The following LIPA variants were observed in gnomAD, a reference collection of about 807,000 sequenced individuals.
LIPA encodes the protein lipase A, lysosomal acid type.
Under a neutral mutation model 40.6 loss-of-function variants are expected in LIPA, and 26 were observed. That is an observed-to-expected ratio of 0.64 (90% CI 0.47 to 0.89). The LOEUF (loss-of-function observed/expected upper bound fraction) is 0.89, where lower values mean the gene tolerates loss of function less well. Ranked by LOEUF, LIPA falls within the 40% of genes least tolerant of loss-of-function variation. The probability of loss-of-function intolerance (pLI) is 0.00; values close to 1 mark genes in which losing one functional copy is unlikely to be tolerated. For missense variants in LIPA, 455 were observed against 479.6 expected (o/e 0.95, Z 0.48); for synonymous variants, 188 against 168.4 (o/e 1.12, Z -0.90).
intron 1 of LIPA, among the ~76,000 whole-genome samples, chr10:89,264,250 C>T (rs1843224246): frequency 6.6e-6 from 1 of 152,178 alleles, no homozygotes; most frequent in Non-Finnish European, 1.5e-5. Context: ...GTCCCACATC[C>T]AGGAAGAATG....
At chr10:89,320,293 T>C (rs1843564384) in intron 1 of LIPA, among the ~76,000 whole-genome samples, 1 of 152,216 alleles carries the variant, frequency 6.6e-6, no homozygotes, top group Admixed American at 6.5e-5. Flanking sequence ...TGTGTGCAGA[T>C]GACATGATTG....
chr10:89,285,485 T>C (rs903518560), intron 1 of LIPA, among the ~76,000 whole-genome samples: 4 of 152,252 alleles, frequency 2.6e-5, no homozygotes, highest in Admixed American at 1.3e-4. Flanking sequence ...GTTTAATCAC[T>C]GCAGAGATGC....
chr10:89,299,306 GA>G (rs570722299), intron 1 of LIPA, among the ~76,000 whole-genome samples: 39 of 149,498 alleles, frequency 2.6e-4, no homozygotes, highest in Non-Finnish European at 3.3e-4. Flanking sequence ...CGAAAATAAA[GA>G]AAAAAAAAGA....
chr10:89,306,249 G>A lies in LIPA; in HGVS notation c.-2+36362C>T, dbSNP rs754711613. 1.4e-5 allele frequency: 23 copies of A among 1,614,010 alleles called. No individual in the cohort carries two copies. The Admixed American group carries it at 1.5e-4, about 11-fold the overall frequency. ...GAAATCAGAAGTCTGGTCACCTGGG[G>A]AAACTATGCCTGGGTCTACTATCAC... On this transcript the variant is annotated intron_variant, in intron 1 of 5. Transcript: ENST00000282673.
At chr10:89,334,214 T>C (rs947507075) in intron 1 of LIPA, among the ~76,000 whole-genome samples, 1 of 152,116 alleles carries the variant, frequency 6.6e-6, no homozygotes, top group Admixed American at 6.5e-5. Flanking sequence ...GCAAGACAGG[T>C]GGTCATGATC....
intron 2 of LIPA, chr10:89,383,849 C>A: frequency 6.2e-7 from 1 of 1,614,226 alleles, no homozygotes; most frequent in Non-Finnish European, 8.5e-7. Context: ...GAATTCAATA[C>A]TGGGTACGCA....
chr10:89,355,384 T>C (rs1253186400), intron 2 of LIPA, among the ~76,000 whole-genome samples: 1 of 152,276 alleles, frequency 6.6e-6, no homozygotes, highest in Non-Finnish European at 1.5e-5. Flanking sequence ...TCTCATTCCC[T>C]GTCATAATTT....
intron 2 of LIPA, chr10:89,402,622 CT>C: frequency 6.2e-7 from 1 of 1,614,244 alleles, no homozygotes; most frequent in Non-Finnish European, 8.5e-7. Context: ...GAAGCCCAGA[CT>C]TACCTGGACA....
intron 1 of LIPA, among the ~76,000 whole-genome samples, chr10:89,282,143 C>T (rs1843319285): frequency 6.6e-6 from 1 of 152,124 alleles, no homozygotes; most frequent in Admixed American, 6.5e-5. Context: ...GAACTTGATT[C>T]CAGGATATGG....
At position 89,332,701 on chromosome 10, in the gene LIPA, GT is replaced by G; in HGVS notation, c.-2+9909del. On this transcript the variant is annotated intron_variant, in intron 1 of 5. Transcript: ENST00000282673. ...ACTTCCTGACTTATGCTATTTCAGTGTTTGCTTAGAGATGAAATATGCATTT... is the reference window on the plus strand; with the variant it reads ...ACTTCCTGACTTATGCTATTTCAGTGTTGCTTAGAGATGAAATATGCATTT... 2.1e-6 allele frequency: 3 copies of G among 1,448,852 alleles called. No individual in the cohort carries two copies. The East Asian group carries it at 6.8e-5, about 33-fold the overall frequency. The allele number at this position is 1,448,852 out of a possible 1,614,324, so 89.7% of individuals were successfully genotyped here.
chr10:89,277,537 G>A (rs1446570821), intron 1 of LIPA, among the ~76,000 whole-genome samples: 1 of 152,172 alleles, frequency 6.6e-6, no homozygotes, highest in Admixed American at 6.5e-5. Context: ...TATATTGACT[G>A]AGTGAATTAA....
At chr10:89,295,590 T>C (rs1294550688) in intron 1 of LIPA, among the ~76,000 whole-genome samples, 1 of 152,210 alleles carries the variant, frequency 6.6e-6, no homozygotes, top group Non-Finnish European at 1.5e-5. Flanking sequence ...ATGCTGATAT[T>C]GCTGGTGGCA....
chr10:89,340,161 G>T (rs768664042), intron 1 of LIPA: 1 of 1,539,984 alleles, frequency 6.5e-7, no homozygotes, highest in Non-Finnish European at 8.7e-7. Context: ...TCAGAAGCCT[G>T]CAGTGGTGGT....
At chr10:89,245,841 A>G (rs1564764332) in intron 2 of LIPA, 48 bp from the exon 3 acceptor site, 1 of 894,746 alleles carries the variant, frequency 1.1e-6, no homozygotes, top group Non-Finnish European at 1.9e-6. Context: ...AATCTGAAAC[A>G]GTCTCCCACA....
intron 2 of LIPA, chr10:89,384,379 C>A (rs1476453669): frequency 1.2e-6 from 2 of 1,614,116 alleles, no homozygotes; most frequent in East Asian, 4.5e-5. Flanking sequence ...AATAGGCCAC[C>A]ACAGAAAGGC....
intron 2 of LIPA, among the ~76,000 whole-genome samples, chr10:89,388,113 C>CTT (rs146856071): frequency 1.3e-5 from 2 of 149,362 alleles, no homozygotes; most frequent in South Asian, 2.1e-4. Context: ...GAAAAAAATT[C>CTT]TTTTTTTTTT....
intron 2 of LIPA, among the ~76,000 whole-genome samples, chr10:89,393,874 C>A (rs755407813): frequency 6.6e-6 from 1 of 152,114 alleles, no homozygotes; most frequent in Non-Finnish European, 1.5e-5. Flanking sequence ...CCTCTGTAAA[C>A]AGATGGAGTT....
chr10:89,368,463 C>T (rs1844073503), intron 2 of LIPA, among the ~76,000 whole-genome samples: 1 of 152,336 alleles, frequency 6.6e-6, no homozygotes. Context: ...ACATGCTCAG[C>T]AGATATTCAT....
chr10:89,370,821 A>G (rs1844087252), intron 2 of LIPA, among the ~76,000 whole-genome samples: 1 of 152,108 alleles, frequency 6.6e-6, no homozygotes, highest in African/African-American at 2.4e-5. Flanking sequence ...GTTCAAGACT[A>G]GCCTGGCCAA....
Sources: allele counts gnomAD v4.1 joint callset (sites outside exome capture counted in the v4.1 genomes callset), GRCh38; gene constraint gnomAD v4.1.1; transcripts MANE v1.5; gene names NCBI Gene and HGNC (gene_info 2026-07-23, HGNC 2026-07-21).